The following TOMM20L variants were observed in gnomAD, a reference collection of about 807,000 sequenced individuals.
TOMM20L encodes the protein translocase of outer mitochondrial membrane 20 like.
Under a neutral mutation model 20.4 loss-of-function variants are expected in TOMM20L, and 19 were observed. That is an observed-to-expected ratio of 0.93 (90% CI 0.65 to 1.36). The LOEUF (loss-of-function observed/expected upper bound fraction) is 1.36. Among genes scored for constraint, TOMM20L ranks in the 40% most tolerant of loss-of-function variants. The pLI is 0.00. For missense variants in TOMM20L, 218 were observed against 203.7 expected, an observed-to-expected ratio of 1.07 and a Z score of -0.43; for synonymous variants, 75 against 79.6, an observed-to-expected ratio of 0.94 and a Z score of 0.30.
chr14:58,399,740 C>G (rs567593684), intron 2 of TOMM20L, among the ~76,000 whole-genome samples: 1 of 151,508 alleles, frequency 6.6e-6, no homozygotes, highest in Non-Finnish European at 1.5e-5. Context: ...TCATCTCCCC[C>G]ACCTTGCCAC....
intron 2 of TOMM20L, among the ~76,000 whole-genome samples, chr14:58,399,946 T>C (rs1319935195): frequency 2.8e-5 from 4 of 143,726 alleles, no homozygotes. Context: ...TGTCTATTTC[T>C]ATTACTTCCC....
Position 58,405,200 on chromosome 14 carries a change from T to C in TOMM20L, c.263-2126T>C, listed in dbSNP as rs572929762. ...TCAGGCTGGTCTCAAACTCCTGGCCTCAAGTGATCCACCCGCCTTGGCCTC... is the reference window on the plus strand; with the variant it reads ...TCAGGCTGGTCTCAAACTCCTGGCCCCAAGTGATCCACCCGCCTTGGCCTC... On this transcript the variant is annotated intron_variant, in intron 3 of 4. Transcript: ENST00000360945. Among the ~76,000 whole-genome samples, 31 of 152,220 alleles carry C rather than the reference T, an allele frequency of 2.0e-4. No homozygotes were observed. In the South Asian group the frequency reaches 3.9e-3, roughly 19 times the overall value.
chr14:58,405,783 C>T (rs1055295127), intron 3 of TOMM20L, among the ~76,000 whole-genome samples: 11 of 152,186 alleles, frequency 7.2e-5, no homozygotes, highest in Non-Finnish European at 1.3e-4. Flanking sequence ...GGATTACAGG[C>T]GTGAGCCACC....
At chr14:58,412,181 T>C (rs2036242478), downstream of TOMM20L, 3 of 422,998 alleles carry the variant, frequency 7.1e-6, no homozygotes, top group Admixed American at 1.1e-4. Context: ...TCTCACTCTG[T>C]CACCAGGCTG....
At position 58,408,682 on chromosome 14, in the gene TOMM20L, T is replaced by A; in HGVS notation, c.*100T>A. The A allele has an allele frequency of 8.0e-7, 1 of 1,243,610 alleles. No individual in the cohort carries two copies. Among genetic ancestry groups the A allele is most frequent in the Non-Finnish European group, 1.1e-6 (1 of 898,594 alleles). 77.0% of individuals were successfully genotyped at this position (1,243,610 alleles called of 1,614,324 possible). ...TTTCCATTTATTTTACTTTGAGTAA[T>A]AAAAATTTTTCTATCTCATACATGA... On this transcript the variant is annotated 3_prime_UTR_variant, in exon 5 of 5. Transcript: ENST00000360945.
chr14:58,414,669 G>A, the TOMM20L span, among the ~76,000 whole-genome samples: 3 of 146,412 alleles, frequency 2.0e-5, no homozygotes, highest in Admixed American at 7.1e-5. Context: ...CCCCTTGGGC[G>A]GAGGTTGCAG....
chr14:58,396,104 C>T lies in TOMM20L; in HGVS notation c.136+11C>T. On this transcript the variant is annotated intron_variant, in intron 1 of 4. Transcript: ENST00000360945. ...GCCGCCTGCGGGACAGTGAGTGGGA[C>T]CGAGGCGGAGGCGCGGCCGGGCCGG... The T allele has an allele frequency of 1.5e-6, 2 of 1,337,060 alleles. No individual in the cohort carries two copies. The highest frequency in any genetic ancestry group is 1.5e-5 in the African/African-American group (1 of 65,788). The allele number at this position is 1,337,060 out of a possible 1,614,324, so 82.8% of individuals were successfully genotyped here. A position where few individuals can be genotyped will look rare whatever the true frequency, so the allele number is the denominator to read the frequency against.
chr14:58,399,897 T>TGC (rs1594995913), intron 2 of TOMM20L, among the ~76,000 whole-genome samples: 2 of 126,214 alleles, frequency 1.6e-5, no homozygotes, highest in Non-Finnish European at 1.7e-5. Context: ...TATATATATA[T>TGC]ATATATATAT....
At chr14:58,406,098 T>C (rs2036053973) in intron 3 of TOMM20L, among the ~76,000 whole-genome samples, 1 of 152,234 alleles carries the variant, frequency 6.6e-6, no homozygotes, top group Non-Finnish European at 1.5e-5. Flanking sequence ...TTCGTCATTT[T>C]CTGTCAGGTA....
At chr14:58,416,155 G>A in the TOMM20L span, among the ~76,000 whole-genome samples, 1 of 152,054 alleles carries the variant, frequency 6.6e-6, no homozygotes, top group Non-Finnish European at 1.5e-5. Context: ...TTGAACCCAG[G>A]AGGCAGAGGT....
chr14:58,411,372 C>T (rs1311746333), downstream of TOMM20L, among the ~76,000 whole-genome samples: 5 of 151,330 alleles, frequency 3.3e-5, no homozygotes, highest in Admixed American at 2.0e-4. Context: ...TGCTTGGGCC[C>T]GGGAGATGGA....
intron 3 of TOMM20L, 72 bp from the exon 4 acceptor site, chr14:58,407,254 T>C: frequency 6.9e-7 from 1 of 1,445,020 alleles, no homozygotes; most frequent in Non-Finnish European, 9.3e-7. Context: ...TGCTTGTTGC[T>C]TTCTTGGATT....
chr14:58,396,743 G>T (rs949220859), intron 2 of TOMM20L, among the ~76,000 whole-genome samples: 2 of 152,212 alleles, frequency 1.3e-5, no homozygotes, highest in Non-Finnish European at 2.9e-5. Context: ...GAAGCAGAAG[G>T]CATCTTCGTG....
At chr14:58,396,449 G>T (rs1006675541) in intron 2 of TOMM20L, 108 bp downstream of exon 2, 21 of 1,255,926 alleles carry the variant, frequency 1.7e-5, no homozygotes, top group Non-Finnish European at 1.7e-5. Context: ...TCCCTCAGCC[G>T]CCCGTGCCCG....
downstream of TOMM20L, among the ~76,000 whole-genome samples, chr14:58,411,136 TTATCAG>T (rs1288012238): frequency 7.2e-5 from 11 of 152,198 alleles, no homozygotes; most frequent in Non-Finnish European, 1.0e-4. Context: ...TTTTCCTTGA[TTATCAG>T]TCAGATTAAA....
chr14:58,396,127 CG>C, intron 1 of TOMM20L, 34 bp downstream of exon 1: 1 of 1,276,326 alleles, frequency 7.8e-7, no homozygotes, highest in South Asian at 3.1e-5. Flanking sequence ...GCGGCCGGGC[CG>C]GGCAGCGCGG....
At position 58,407,361 on chromosome 14, in the gene TOMM20L, G is replaced by A; in HGVS notation, c.298G>A (p.Ala100Thr). The A allele has an allele frequency of 6.2e-7, 1 of 1,612,236 alleles. No homozygotes were observed. Residue 100 changes from alanine (A) to threonine (T), a missense_variant, in exon 4 of 5, where the codon GCC becomes ACC. Physicochemically the swap from Ala to Thr is moderately conservative, Grantham distance 58 (BLOSUM62 0). Transcript: ENST00000360945. ...AATGGGGATTCAACACCTCGGCAAT[G>A]CCCTTTTAGTGTGCGAGCAACCACG... Reference protein sequence around the residue: ...HRMGIQHLGNALLVCEQPREL... With the variant: ...HRMGIQHLGNTLLVCEQPREL...
At chr14:58,396,136 C>T in intron 1 of TOMM20L, 43 bp downstream of exon 1, 1 of 1,276,836 alleles carries the variant, frequency 7.8e-7, no homozygotes, top group Non-Finnish European at 9.9e-7. Flanking sequence ...CCGGGCAGCG[C>T]GGGCGGGCTG....
In TOMM20L at chr14:58,396,286, T is replaced by C; in HGVS notation, c.137-12T>C. On this transcript the variant is annotated splice_polypyrimidine_tract_variant and intron_variant, in intron 1 of 4. Transcript: ENST00000360945. The stretch of plus-strand genomic sequence containing the variant: ...GGCCTCCCAGCCAGCATGTGCCGTG[T>C]TGTGTTCGCAGAAAGAAGAGCAGAG... 6.2e-7 allele frequency: 1 copy of C among 1,613,008 alleles called. No homozygotes were observed. The highest frequency in any genetic ancestry group is 8.5e-7 in the Non-Finnish European group (1 of 1,179,742).
Sources: gnomAD v4.1 joint callset for allele counts (sites outside exome capture counted in the v4.1 genomes callset) on GRCh38, gnomAD v4.1.1 for gene constraint, MANE v1.5 for transcripts, NCBI Gene and HGNC (gene_info 2026-07-23, HGNC 2026-07-21) for gene names.